TPH2: variants seen among roughly 807,000 people sequenced by gnomAD.
TPH2 encodes the protein tryptophan hydroxylase 2.
Under a neutral mutation model 59.1 loss-of-function variants are expected in TPH2, and 27 were observed. The observed-to-expected ratio is 0.46, with a 90% CI of 0.34 to 0.63. TPH2 has a LOEUF of 0.63. TPH2 is among the 30% of genes least tolerant of loss of function. The pLI is 0.01. For synonymous variants in TPH2, 220 were observed against 210.5 expected (o/e 1.05, Z -0.39); for missense variants, 523 against 588.3 (o/e 0.89, Z 1.15).
chr12:71,953,987 T>C (rs1166927874), intron 5 of TPH2, among the ~76,000 whole-genome samples: 1 of 152,100 alleles, frequency 6.6e-6, no homozygotes, highest in African/African-American at 2.4e-5. Flanking sequence ...TAATATATAT[T>C]GAAACCACAA....
At chr12:72,009,290 G>A (rs1873037863) in intron 8 of TPH2, among the ~76,000 whole-genome samples, 1 of 152,066 alleles carries the variant, frequency 6.6e-6, no homozygotes, top group Non-Finnish European at 1.5e-5. Flanking sequence ...TGTCATTCTG[G>A]CTACCAGCTC....
chr12:71,981,061 G>A (rs1460692968), intron 7 of TPH2, among the ~76,000 whole-genome samples: 3 of 152,206 alleles, frequency 2.0e-5, no homozygotes, highest in East Asian at 1.9e-4. Flanking sequence ...GGAAGGCACA[G>A]TCCTGAAAGG....
At chr12:72,001,490 A>G (rs577532878) in intron 8 of TPH2, among the ~76,000 whole-genome samples, 1 of 150,414 alleles carries the variant, frequency 6.6e-6, no homozygotes, top group African/African-American at 2.5e-5. Context: ...CAATGGCGTG[A>G]TCTCAGCTCA....
At chr12:72,024,301 T>C (rs1300992547) in intron 9 of TPH2, among the ~76,000 whole-genome samples, 1 of 152,190 alleles carries the variant, frequency 6.6e-6, no homozygotes, top group African/African-American at 2.4e-5. Flanking sequence ...CACCAGTCTG[T>C]CAGTGGAGAG....
intron 7 of TPH2, among the ~76,000 whole-genome samples, chr12:71,984,591 G>A (rs544990087): frequency 7.9e-5 from 12 of 152,256 alleles, no homozygotes; most frequent in African/African-American, 2.6e-4. Context: ...AGAGCTTTAC[G>A]GAGTTTAACC....
intron 5 of TPH2, among the ~76,000 whole-genome samples, chr12:71,954,184 C>T (rs764264022): frequency 6.6e-6 from 1 of 152,224 alleles, no homozygotes; most frequent in South Asian, 2.1e-4. Flanking sequence ...GGCGGGAAAG[C>T]GCCGGCATGC....
intron 5 of TPH2, among the ~76,000 whole-genome samples, chr12:71,968,538 CCCTGCTCTGAAGTGGTGGCAGCA>C (rs1566129153): frequency 6.6e-6 from 1 of 152,226 alleles, no homozygotes; most frequent in East Asian, 1.9e-4. Context: ...ACTGTCGGTC[CCCTGCTCTGAAGTGGTGGCAGCA>C]CCTGGAGGCC....
In TPH2 at chr12:71,941,739, T is replaced by C. The variant is rs1195263262; in HGVS notation, c.255+6T>C. 9 of 1,613,634 alleles carry C rather than the reference T, an allele frequency of 5.6e-6. No homozygotes were observed. In the South Asian group the frequency reaches 7.7e-5, roughly 14 times the overall value. On this transcript the variant is annotated splice_donor_region_variant and intron_variant, in intron 2 of 10. Coordinates refer to ENST00000333850, the MANE Select transcript of TPH2 (RefSeq NM_173353.4). ...AAGCACTGAGGCTCTTTCAGGTGAA[T>C]GTGAAATATCATTACATAATTTTAA...
intron 5 of TPH2, among the ~76,000 whole-genome samples, chr12:71,959,206 A>G (rs10748187): frequency 0.84 from 127,876 of 152,104 alleles, 53,888 homozygotes; most frequent in East Asian, 0.96. Context: ...GAATGGATGT[A>G]CCTTGGAATG....
intron 4 of TPH2, among the ~76,000 whole-genome samples, chr12:71,945,448 C>G (rs138334808): frequency 7.9e-5 from 12 of 152,004 alleles, no homozygotes; most frequent in Non-Finnish European, 7.4e-5. Context: ...CCCCAGTGCC[C>G]CTTGTCTAAA....
At chr12:72,022,907 ACTTC>A (rs1298256215) in intron 9 of TPH2, among the ~76,000 whole-genome samples, 3 of 152,192 alleles carry the variant, frequency 2.0e-5, no homozygotes, top group Non-Finnish European at 4.4e-5. Context: ...CCCAGCATCT[ACTTC>A]CTAAAAGGGA....
intron 5 of TPH2, among the ~76,000 whole-genome samples, chr12:71,968,688 T>G (rs75106023): frequency 0.058 from 8,876 of 152,252 alleles, 406 homozygotes; most frequent in South Asian, 0.17. Context: ...GGAAAGAAAC[T>G]GCCCTTTCCC....
chr12:71,984,937 T>A (rs1872388675), intron 7 of TPH2, among the ~76,000 whole-genome samples: 1 of 152,190 alleles, frequency 6.6e-6, no homozygotes, highest in African/African-American at 2.4e-5. Context: ...CTTTAATTCC[T>A]TCCATCCTTC....
chr12:72,031,248 T>C lies in TPH2; in HGVS notation c.1165-10T>C. The C allele has an allele frequency of 6.2e-7, 1 of 1,613,290 alleles. No individual in the cohort carries two copies. On this transcript the variant is annotated splice_polypyrimidine_tract_variant and intron_variant, in intron 9 of 10. Coordinates refer to ENST00000333850, the MANE Select transcript of TPH2 (RefSeq NM_173353.4). ...ACAGAGTTTAACAGGTTTTGTGGTA[T>C]ATTTTGCAGCACGCCCTTTCTGACA...
At chr12:72,013,574 T>C (rs1205149083) in intron 8 of TPH2, among the ~76,000 whole-genome samples, 1 of 152,208 alleles carries the variant, frequency 6.6e-6, no homozygotes, top group Non-Finnish European at 1.5e-5. Context: ...TGACACAAGC[T>C]TCATATTATT....
chr12:72,022,844 G>A (rs114653622), intron 9 of TPH2, among the ~76,000 whole-genome samples: 3,143 of 152,292 alleles, frequency 0.021, 126 homozygotes, highest in African/African-American at 0.072. Context: ...ATTCACTTGC[G>A]AATGTGGCTT....
chr12:71,988,217 A>G (rs1347675559), intron 7 of TPH2, among the ~76,000 whole-genome samples: 1 of 152,178 alleles, frequency 6.6e-6, no homozygotes, highest in African/African-American at 2.4e-5. Context: ...TGCTTTCTTA[A>G]TTACACTGAA....
At chr12:71,999,995 T>C (rs1872782427) in intron 8 of TPH2, among the ~76,000 whole-genome samples, 1 of 152,250 alleles carries the variant, frequency 6.6e-6, no homozygotes, top group African/African-American at 2.4e-5. Flanking sequence ...TATCTTATTG[T>C]GGTTGAGAGG....
intron 8 of TPH2, among the ~76,000 whole-genome samples, chr12:72,003,887 C>T (rs1438104141): frequency 6.6e-6 from 1 of 152,194 alleles, no homozygotes; most frequent in Non-Finnish European, 1.5e-5. Flanking sequence ...TCTCAGAGAG[C>T]CATCATATAA....
Sources: gnomAD v4.1 joint callset for allele counts (sites outside exome capture counted in the v4.1 genomes callset) on GRCh38, gnomAD v4.1.1 for gene constraint, MANE v1.5 for transcripts, NCBI Gene and HGNC (gene_info 2026-07-23, HGNC 2026-07-21) for gene names.